SLC44A5: variants seen among roughly 807,000 people sequenced by gnomAD.
The protein encoded by SLC44A5 is solute carrier family 44 member 5.
Under a neutral mutation model 101.8 loss-of-function variants are expected in SLC44A5, and 57 were observed. The observed-to-expected ratio is 0.56, with a 90% confidence interval of 0.45 to 0.70. The LOEUF (loss-of-function observed/expected upper bound fraction) is 0.70. Ranked by LOEUF, SLC44A5 falls within the 30% of genes least tolerant of loss-of-function variation. SLC44A5 has a pLI of 0.00. For missense variants in SLC44A5, 737 were observed against 853.1 expected, an observed-to-expected ratio of 0.86 and a Z score of 1.70; for synonymous variants, 281 against 290.9, an observed-to-expected ratio of 0.97 and a Z score of 0.35.
intron 4 of SLC44A5, among the ~76,000 whole-genome samples, chr1:75,320,488 A>G (rs1656059923): frequency 1.3e-5 from 2 of 152,174 alleles, no homozygotes; most frequent in Admixed American, 1.3e-4. Context: ...ATTGTACTCT[A>G]AAAGGCTTAG....
intron 4 of SLC44A5, among the ~76,000 whole-genome samples, chr1:75,304,066 T>C (rs918702074): frequency 6.6e-6 from 1 of 151,908 alleles, no homozygotes; most frequent in Non-Finnish European, 1.5e-5. Flanking sequence ...ATAAAGGATA[T>C]AAATATCCAA....
chr1:75,712,166 C>G, the SLC44A5 span, among the ~76,000 whole-genome samples: 1 of 152,228 alleles, frequency 6.6e-6, no homozygotes, highest in Non-Finnish European at 1.5e-5. Context: ...AGAATGTACA[C>G]TACATGGTAA....
intron 2 of SLC44A5, among the ~76,000 whole-genome samples, chr1:75,405,776 C>G (rs564283428): frequency 1.3e-5 from 2 of 151,416 alleles, no homozygotes; most frequent in Admixed American, 1.3e-4. Context: ...AATCAGCACC[C>G]TAACATCACA....
chr1:75,483,619 C>A (rs1165007539), intron 2 of SLC44A5, among the ~76,000 whole-genome samples: 1 of 145,838 alleles, frequency 6.9e-6, no homozygotes, highest in Admixed American at 6.7e-5. Context: ...TATTTGTTTA[C>A]AATTTGTTAA....
At chr1:75,666,628 C>T in the SLC44A5 span, among the ~76,000 whole-genome samples, 2 of 152,160 alleles carry the variant, frequency 1.3e-5, no homozygotes, top group African/African-American at 4.8e-5. Flanking sequence ...TGGGCAGAGA[C>T]ACAACAAAAA....
the SLC44A5 span, among the ~76,000 whole-genome samples, chr1:75,697,375 T>C: frequency 2.0e-5 from 3 of 152,370 alleles, no homozygotes; most frequent in Admixed American, 6.5e-5. Flanking sequence ...TCATAGGATG[T>C]AAGGCTCAGA....
chr1:75,670,528 G>C, the SLC44A5 span, among the ~76,000 whole-genome samples: 1 of 152,086 alleles, frequency 6.6e-6, no homozygotes, highest in Non-Finnish European at 1.5e-5. Flanking sequence ...TTTTATATTT[G>C]ACAATTATAT....
At chr1:75,702,056 C>G in the SLC44A5 span, among the ~76,000 whole-genome samples, 2 of 152,022 alleles carry the variant, frequency 1.3e-5, no homozygotes, top group Admixed American at 1.3e-4. Flanking sequence ...TAGGAAGAAT[C>G]AATATTGTGA....
chr1:75,499,043 T>G (rs985599043), intron 2 of SLC44A5, among the ~76,000 whole-genome samples: 3 of 152,212 alleles, frequency 2.0e-5, no homozygotes, highest in Admixed American at 2.0e-4. Flanking sequence ...AGTGTCCTAG[T>G]TAGCTGCAGT....
chr1:75,294,375 T>C (rs1399839037), intron 5 of SLC44A5, among the ~76,000 whole-genome samples: 3 of 152,140 alleles, frequency 2.0e-5, no homozygotes, highest in Non-Finnish European at 1.5e-5. Context: ...TTGTACACTG[T>C]TAGTAGGAAT....
chr1:75,528,047 A>G (rs1463940623), intron 2 of SLC44A5, among the ~76,000 whole-genome samples: 3 of 152,158 alleles, frequency 2.0e-5, no homozygotes, highest in African/African-American at 7.2e-5. Flanking sequence ...TAATCCTACT[A>G]TATTGATTGC....
At chr1:75,720,817 G>A in the SLC44A5 span, among the ~76,000 whole-genome samples, 1 of 139,176 alleles carries the variant, frequency 7.2e-6, no homozygotes, top group Admixed American at 7.6e-5. Context: ...AAATACATTG[G>A]TTCAGTTCAG....
intron 2 of SLC44A5, among the ~76,000 whole-genome samples, chr1:75,438,682 T>C (rs868122575): frequency 6.6e-6 from 1 of 152,114 alleles, no homozygotes. Context: ...ATGGTCCAGG[T>C]TGATAGGATC....
chr1:75,444,916 T>C (rs1029322200), intron 2 of SLC44A5, among the ~76,000 whole-genome samples: 2 of 152,070 alleles, frequency 1.3e-5, no homozygotes, highest in African/African-American at 2.4e-5. Flanking sequence ...TTGGGTTAGG[T>C]AGAGGAGAGA....
intron 3 of SLC44A5, among the ~76,000 whole-genome samples, chr1:75,393,602 A>T (rs1232375361): frequency 6.6e-6 from 1 of 152,210 alleles, no homozygotes; most frequent in East Asian, 1.9e-4. Flanking sequence ...ATGTACTATA[A>T]ATTAGATAAA....
chr1:75,472,170 G>T (rs1220925157), intron 2 of SLC44A5, among the ~76,000 whole-genome samples: 2 of 151,396 alleles, frequency 1.3e-5, no homozygotes, highest in Admixed American at 6.6e-5. Context: ...CAAGACCAAA[G>T]AAAAATATGA....
intron 3 of SLC44A5, among the ~76,000 whole-genome samples, chr1:75,391,748 A>G (rs947518524): frequency 1.3e-5 from 2 of 152,330 alleles, no homozygotes; most frequent in East Asian, 1.9e-4. Context: ...ATTTAAATGT[A>G]AGACCTCAAA....
chr1:75,255,844 G>C (rs1323482272), intron 6 of SLC44A5, among the ~76,000 whole-genome samples: 1 of 152,026 alleles, frequency 6.6e-6, no homozygotes, highest in African/African-American at 2.4e-5. Context: ...AAAAATGATG[G>C]AGCAATGTCT....
At chr1:75,631,242 G>C in the SLC44A5 span, among the ~76,000 whole-genome samples, 1 of 152,166 alleles carries the variant, frequency 6.6e-6, no homozygotes, top group Non-Finnish European at 1.5e-5. Context: ...TGAATGGTCT[G>C]GTTCCTCTCT....
Sources: allele counts gnomAD v4.1 joint callset (sites outside exome capture counted in the v4.1 genomes callset), GRCh38; gene constraint gnomAD v4.1.1; transcripts MANE v1.5; gene names NCBI Gene and HGNC (gene_info 2026-07-23, HGNC 2026-07-21).